Variants in ELMO1 observed in about 807,000 individuals in gnomAD.
ELMO1 encodes the protein engulfment and cell motility 1.
In ELMO1, 26 loss-of-function variants were observed where a neutral mutation model predicts 98.9. The observed-to-expected ratio is 0.26, with a 90% CI of 0.19 to 0.36. The LOEUF (loss-of-function observed/expected upper bound fraction) is 0.36. ELMO1 is among the 10% of genes least tolerant of loss of function. The probability of loss-of-function intolerance (pLI) is 1.00; values close to 1 mark genes in which losing one functional copy is unlikely to be tolerated. For missense variants in ELMO1, 627 were observed against 935.2 expected, an observed-to-expected ratio of 0.67 and a Z score of 4.30; for synonymous variants, 346 against 346.0, an observed-to-expected ratio of 1.00 and a Z score of 0.00.
chr7:37,285,435 A>G (rs1430686126), intron 4 of ELMO1, among the ~76,000 whole-genome samples: 1 of 152,248 alleles, frequency 6.6e-6, no homozygotes, highest in African/African-American at 2.4e-5. Flanking sequence ...CCTAACACAA[A>G]GGAAAACTGA....
At chr7:37,319,082 C>T (rs1337363193) in intron 2 of ELMO1, among the ~76,000 whole-genome samples, 2 of 152,188 alleles carry the variant, frequency 1.3e-5, no homozygotes, top group Non-Finnish European at 2.9e-5. Context: ...ATCTCATTCT[C>T]TTCAACTGTC....
At chr7:37,328,383 CAAAAAAAAAAA>C (rs10669717) in intron 2 of ELMO1, among the ~76,000 whole-genome samples, 7 of 64,850 alleles carry the variant, frequency 1.1e-4, no homozygotes, top group Admixed American at 8.2e-4. Context: ...GACCCTGCCA[CAAAAAAAAAAA>C]AAAAAAAAAA....
At chr7:37,213,194 T>G in intron 12 of ELMO1, 141 bp downstream of exon 12, 4 of 1,072,646 alleles carry the variant, frequency 3.7e-6, no homozygotes, top group Middle Eastern at 3.4e-4. Context: ...TTTGAAGCCA[T>G]GCCCCTAAGT....
At chr7:37,049,585 C>CT (rs1260301003) in intron 15 of ELMO1, among the ~76,000 whole-genome samples, 21 of 151,770 alleles carry the variant, frequency 1.4e-4, no homozygotes, top group Non-Finnish European at 1.5e-5. Context: ...AGGTCAGAGC[C>CT]TTTTTTTGTC....
intron 16 of ELMO1, among the ~76,000 whole-genome samples, chr7:36,998,530 AAT>A (rs1004993201): frequency 3.3e-5 from 5 of 152,020 alleles, no homozygotes; most frequent in African/African-American, 1.2e-4. Context: ...TACATATATA[AAT>A]ATATATATGT....
intron 15 of ELMO1, among the ~76,000 whole-genome samples, chr7:37,080,004 A>G (rs1182660695): frequency 6.6e-6 from 1 of 152,186 alleles, no homozygotes; most frequent in African/African-American, 2.4e-5. Flanking sequence ...AGCATCTCAA[A>G]ATTAACACAA....
At chr7:37,014,900 G>A (rs555570404) in intron 15 of ELMO1, among the ~76,000 whole-genome samples, 7 of 152,084 alleles carry the variant, frequency 4.6e-5, no homozygotes, top group South Asian at 2.1e-4. Context: ...GATGAGCAGC[G>A]AATCTACTTA....
intron 17 of ELMO1, among the ~76,000 whole-genome samples, chr7:36,890,052 C>T (rs996304824): frequency 2.0e-5 from 3 of 152,154 alleles, no homozygotes; most frequent in Non-Finnish European, 4.4e-5. Flanking sequence ...CCGATATCTG[C>T]CCTCTGGGGT....
intron 15 of ELMO1, among the ~76,000 whole-genome samples, chr7:37,078,810 T>C (rs1477755354): frequency 2.0e-5 from 3 of 152,166 alleles, no homozygotes; most frequent in Non-Finnish European, 4.4e-5. Context: ...TAAGCAGACA[T>C]TAAATAATGA....
chr7:36,915,673 T>C (rs937749211), intron 16 of ELMO1, among the ~76,000 whole-genome samples: 2 of 152,084 alleles, frequency 1.3e-5, no homozygotes, highest in Admixed American at 1.3e-4. Flanking sequence ...AAAGTAAAAA[T>C]AGCATGGGTT....
intron 1 of ELMO1, among the ~76,000 whole-genome samples, chr7:37,443,002 A>C (rs758199814): frequency 1.6e-4 from 25 of 152,236 alleles, no homozygotes; most frequent in Non-Finnish European, 3.2e-4. Flanking sequence ...CCTCCAAGCC[A>C]CATCTGTAAA....
chr7:36,931,607 C>A lies in ELMO1; in HGVS notation c.1438-36590G>T, dbSNP rs1202551794. Among the ~76,000 whole-genome samples the A allele has an allele frequency of 2.0e-5, 3 of 152,142 alleles. 1 individual carries two copies. In the Middle Eastern group the frequency reaches 9.5e-3, roughly 481 times the overall value. On this transcript the variant is annotated intron_variant, in intron 16 of 21. Transcript: ENST00000310758. ...ACAGCGAGACTCCGTCTCAAAAAAA[C>A]AGACCTCAGTTTCATCATCTCCCCA... is the stretch of plus-strand genomic sequence containing the variant.
intron 1 of ELMO1, among the ~76,000 whole-genome samples, chr7:37,382,867 C>A (rs1233585782): frequency 1.3e-5 from 2 of 152,072 alleles, no homozygotes; most frequent in African/African-American, 4.8e-5. Flanking sequence ...CTTCTGTTTG[C>A]TATCTCTTGT....
chr7:37,291,049 G>A (rs1459471723), intron 4 of ELMO1, among the ~76,000 whole-genome samples: 1 of 152,172 alleles, frequency 6.6e-6, no homozygotes, highest in Non-Finnish European at 1.5e-5. Context: ...GAGAGCCACA[G>A]AAACCCCTAT....
At chr7:36,867,305 T>TA (rs1455900848) in intron 20 of ELMO1, among the ~76,000 whole-genome samples, 1 of 152,194 alleles carries the variant, frequency 6.6e-6, no homozygotes, top group East Asian at 1.9e-4. Flanking sequence ...TTTACTTTTT[T>TA]AGTCTCCTTT....
At chr7:37,148,519 C>T (rs982848639) in intron 13 of ELMO1, among the ~76,000 whole-genome samples, 33 of 152,238 alleles carry the variant, frequency 2.2e-4, no homozygotes, top group African/African-American at 6.5e-4. Flanking sequence ...AAAGAAAACA[C>T]TGGAACATAT....
At chr7:37,257,990 C>T (rs9768574) in intron 6 of ELMO1, among the ~76,000 whole-genome samples, 34,373 of 151,580 alleles carry the variant, frequency 0.23, 4,073 homozygotes, top group Middle Eastern at 0.32. Flanking sequence ...AAAAATTAGG[C>T]CGGGCGTGGT....
intron 14 of ELMO1, among the ~76,000 whole-genome samples, chr7:37,121,687 G>A (rs1786055394): frequency 6.6e-6 from 1 of 152,212 alleles, no homozygotes; most frequent in South Asian, 2.1e-4. Context: ...ATGGAACCAA[G>A]TTGGAAAACA....
At chr7:37,134,822 A>G (rs111405990) in intron 13 of ELMO1, among the ~76,000 whole-genome samples, 1 of 152,350 alleles carries the variant, frequency 6.6e-6, no homozygotes, top group African/African-American at 2.4e-5. Context: ...CAGAAAGTCA[A>G]ATGTCACATA....
Sources: gnomAD v4.1 joint callset for allele counts (sites outside exome capture counted in the v4.1 genomes callset) on GRCh38, gnomAD v4.1.1 for gene constraint, MANE v1.5 for transcripts, NCBI Gene and HGNC (gene_info 2026-07-23, HGNC 2026-07-21) for gene names.